Variants in NTN4 observed in about 807,000 individuals in gnomAD.
The protein encoded by NTN4 is netrin-4.
A neutral mutation model predicts 73.6 loss-of-function variants in NTN4; 32 were observed. That is an observed-to-expected ratio of 0.44 (90% CI 0.33 to 0.58). The LOEUF is 0.58. NTN4 is among the 20% of genes least tolerant of loss of function. NTN4 has a pLI of 0.04. For missense variants in NTN4, 654 were observed against 798.3 expected (o/e 0.82, Z 2.18); for synonymous variants, 258 against 287.5 (o/e 0.90, Z 1.04).
At chr12:95,717,973 G>A (rs1565894955) in intron 3 of NTN4, among the ~76,000 whole-genome samples, 1 of 152,098 alleles carries the variant, frequency 6.6e-6, no homozygotes, top group Non-Finnish European at 1.5e-5. Flanking sequence ...GTATTTAATT[G>A]AGTTTATTTG....
At chr12:95,766,725 C>T (rs982342105) in intron 2 of NTN4, among the ~76,000 whole-genome samples, 4 of 152,216 alleles carry the variant, frequency 2.6e-5, no homozygotes, top group African/African-American at 9.6e-5. Context: ...GCATAATATT[C>T]TAGCTGTGCT....
At chr12:95,672,248 C>T (rs928003825) in intron 7 of NTN4, 3 of 633,460 alleles carry the variant, frequency 4.7e-6, no homozygotes, top group South Asian at 1.7e-5. Context: ...GGGCAGGGGG[C>T]GGGCTGTGAT....
At chr12:95,778,264 G>A (rs1304579989) in intron 2 of NTN4, among the ~76,000 whole-genome samples, 1 of 152,088 alleles carries the variant, frequency 6.6e-6, no homozygotes, top group Non-Finnish European at 1.5e-5. Flanking sequence ...AGAGAAGCAA[G>A]AGCAAACACA....
At chr12:95,678,365 A>AAG (rs1384200729) in intron 7 of NTN4, among the ~76,000 whole-genome samples, 1 of 151,712 alleles carries the variant, frequency 6.6e-6, no homozygotes, top group East Asian at 1.9e-4. Flanking sequence ...AAAAAAAAAA[A>AAG]AAAGAATAGT....
At chr12:95,691,314 C>T (rs2078399785) in intron 5 of NTN4, among the ~76,000 whole-genome samples, 1 of 97,772 alleles carries the variant, frequency 1.0e-5, no homozygotes, top group Non-Finnish European at 2.4e-5. Flanking sequence ...AAAATGCAAC[C>T]CAAGAACTTA....
chr12:95,725,755 G>A (rs183400850), intron 3 of NTN4, among the ~76,000 whole-genome samples: 1 of 152,232 alleles, frequency 6.6e-6, no homozygotes, highest in Non-Finnish European at 1.5e-5. Context: ...TTGTTTCTAG[G>A]TGAATCTTGT....
intron 5 of NTN4, among the ~76,000 whole-genome samples, chr12:95,705,444 C>A (rs2078515789): frequency 6.6e-6 from 1 of 152,122 alleles, no homozygotes; most frequent in Non-Finnish European, 1.5e-5. Context: ...CCCTACTTCC[C>A]TCATCCTCAC....
At chr12:95,767,487 T>C (rs7977346) in intron 2 of NTN4, among the ~76,000 whole-genome samples, 72,750 of 151,926 alleles carry the variant, frequency 0.48, 18,385 homozygotes, top group African/African-American at 0.64. Context: ...GCTCCAAAAA[T>C]GCAGGTGAAT....
chr12:95,662,709 A>C (rs1323265516), intron 9 of NTN4, among the ~76,000 whole-genome samples: 1 of 152,252 alleles, frequency 6.6e-6, no homozygotes, highest in African/African-American at 2.4e-5. Flanking sequence ...CATGAAAAAG[A>C]ATCTCAATAT....
rs74885881 is a variant in NTN4 at position 95,709,770 on chromosome 12, C to T, written c.1180+671G>A. On this transcript the variant is annotated intron_variant, in intron 5 of 9. Coordinates refer to ENST00000343702, the MANE Select transcript of NTN4 (RefSeq NM_021229.4). ...CTGGTCTCGAACTTGTAAGCTCAAA[C>T]GATCCGCCTGCCTTGGCCTCCCAAA... Among the ~76,000 whole-genome samples the T allele has an allele frequency of 3.4e-3, 517 of 152,218 alleles. 4 individuals are homozygous for T. Among genetic ancestry groups the T allele is most frequent in the African/African-American group, 0.011 (470 of 41,540 alleles).
At chr12:95,695,149 A>G (rs2078431816) in intron 5 of NTN4, among the ~76,000 whole-genome samples, 1 of 152,060 alleles carries the variant, frequency 6.6e-6, no homozygotes, top group Admixed American at 6.6e-5. Flanking sequence ...TGACGCTTGA[A>G]TCAGTTTAAT....
intron 2 of NTN4, among the ~76,000 whole-genome samples, chr12:95,761,340 T>TTTTTTTTG (rs1555220936): frequency 6.8e-6 from 1 of 146,186 alleles, no homozygotes; most frequent in South Asian, 2.2e-4. Context: ...TTTTTTTTTT[T>TTTTTTTTG]CCCCAAGACG....
chr12:95,665,942 T>C lies in NTN4; in HGVS notation c.1618A>G (p.Thr540Ala). The change falls in exon 9 of 10, where the codon ACT (threonine) becomes GCT (alanine). Residue 540 changes from threonine to alanine, a missense_variant. Physicochemically the swap from Thr to Ala is moderately conservative, Grantham distance 58. Transcript: ENST00000343702. Reference protein sequence around the residue: ...IKILSAHDKGTHVEVNVKIKK... With the variant: ...IKILSAHDKGAHVEVNVKIKK... ...ATCTTCACATTGACCTCAACATGAGTACCTTTATCATGAGCTGATAAAATC... is the reference window on the plus strand; with the variant it reads ...ATCTTCACATTGACCTCAACATGAGCACCTTTATCATGAGCTGATAAAATC... The C allele has an allele frequency of 1.2e-6, 2 of 1,613,134 alleles. No individual in the cohort carries two copies. Among genetic ancestry groups the C allele is most frequent in the Non-Finnish European group, 1.7e-6 (2 of 1,179,276 alleles).
At chr12:95,763,628 T>C (rs1167520881) in intron 2 of NTN4, among the ~76,000 whole-genome samples, 1 of 152,246 alleles carries the variant, frequency 6.6e-6, no homozygotes, top group Non-Finnish European at 1.5e-5. Flanking sequence ...CTGTAACTCG[T>C]AAGCACATGT....
At chr12:95,786,396 T>C (rs2079167702) in intron 2 of NTN4, among the ~76,000 whole-genome samples, 1 of 152,232 alleles carries the variant, frequency 6.6e-6, no homozygotes, top group Admixed American at 6.5e-5. Flanking sequence ...GAGTTTAAGA[T>C]GGCCTAAGCT....
intron 8 of NTN4, among the ~76,000 whole-genome samples, chr12:95,666,304 T>C (rs1389201700): frequency 6.6e-6 from 1 of 152,086 alleles, no homozygotes; most frequent in Non-Finnish European, 1.5e-5. Context: ...TAAAAGACTA[T>C]ATATTGGGTA....
intron 2 of NTN4, among the ~76,000 whole-genome samples, chr12:95,746,549 C>G (rs545978106): frequency 6.6e-6 from 1 of 152,284 alleles, no homozygotes; most frequent in East Asian, 1.9e-4. Context: ...TCAGGTACAA[C>G]AAGGGTGTTT....
At chr12:95,769,874 A>G (rs1197513402) in intron 2 of NTN4, among the ~76,000 whole-genome samples, 2 of 148,898 alleles carry the variant, frequency 1.3e-5, no homozygotes, top group Non-Finnish European at 3.0e-5. Context: ...TTCCTGCCTC[A>G]GCCTCCCAAG....
At chr12:95,739,148 A>G (rs545458758) in intron 2 of NTN4, among the ~76,000 whole-genome samples, 1 of 152,348 alleles carries the variant, frequency 6.6e-6, no homozygotes, top group African/African-American at 2.4e-5. Flanking sequence ...TAAGTATTCA[A>G]TAAATTTTTG....
Sources: gnomAD v4.1 joint callset for allele counts (sites outside exome capture counted in the v4.1 genomes callset) on GRCh38, gnomAD v4.1.1 for gene constraint, MANE v1.5 for transcripts, NCBI Gene and HGNC (gene_info 2026-07-23, HGNC 2026-07-21) for gene names.